LYAR: variants seen among roughly 807,000 people sequenced by gnomAD.
LYAR encodes Ly1 antibody reactive, also known as cell growth-regulating nucleolar protein.
LYAR carries 37 observed loss-of-function variants against 45.2 expected under a neutral mutation model. The ratio of observed to expected loss-of-function variants is 0.82; its 90% CI spans 0.63 to 1.08. LYAR has a LOEUF of 1.08. Ranked by LOEUF, LYAR falls within the 50% of genes least tolerant of loss-of-function variation. The probability of loss-of-function intolerance (pLI) is 0.00; values close to 1 mark genes in which losing one functional copy is unlikely to be tolerated. For synonymous variants in LYAR, 176 were observed against 155.1 expected, an observed-to-expected ratio of 1.14 and a Z score of -1.00; for missense variants, 493 against 451.0, an observed-to-expected ratio of 1.09 and a Z score of -0.84.
intron 4 of LYAR, 21 bp downstream of exon 4, chr4:4,281,762 A>C (rs765359316): frequency 1.9e-6 from 3 of 1,565,580 alleles, no homozygotes; most frequent in Non-Finnish European, 2.6e-6. Context: ...GAAGCTACTC[A>C]ATGAGTTAGA....
In LYAR at chr4:4,274,585, T is replaced by C. The variant is rs1314271488; in HGVS notation, c.614A>G (p.Glu205Gly). The change falls in exon 7 of 10, where the codon GAA becomes GGA. Residue 205 changes from glutamate (E) to glycine (G), a missense_variant. Physicochemically the swap from Glu to Gly is moderately conservative, Grantham distance 98. Coordinates refer to ENST00000343470, the MANE Select transcript of LYAR (RefSeq NM_017816.3). Reference protein sequence around the residue: ...RQKKRKREKKELKLENHQENS... With the variant: ...RQKKRKREKKGLKLENHQENS... ...TTCCTGGTGGTTTTCTAACTTTAGT[T>C]CTTTCTTTTCTCTTTTCCTTTTCTT... 2 of 1,613,636 alleles carry C rather than the reference T, an allele frequency of 1.2e-6. No individual in the cohort carries two copies. The highest frequency in any genetic ancestry group is 1.1e-5 in the South Asian group (1 of 90,934).
intron 2 of LYAR, among the ~76,000 whole-genome samples, 195 bp downstream of exon 2, chr4:4,286,309 TGGGCTTCAAAGAAAA>T (rs1719609092): frequency 6.6e-6 from 1 of 152,190 alleles, no homozygotes; most frequent in Non-Finnish European, 1.5e-5. Context: ...AACACTTGCT[TGGGCTTCAAAGAAAA>T]GCTCAAAACC....
rs1256100677 is a variant in LYAR, at chr4:4,267,887, G to A, written c.*2C>T. 1 of 1,607,760 alleles carries A rather than the reference G, an allele frequency of 6.2e-7. No homozygotes were observed. Among genetic ancestry groups the A allele is most frequent in the South Asian group, 1.1e-5 (1 of 89,892 alleles). The stretch of plus-strand genomic sequence containing the variant: ...GGATTCAATTTTTAAATACACAAAT[G>A]TTCATTTCACAAGCTTGACTTTGTC... On this transcript the variant is annotated 3_prime_UTR_variant, in exon 10 of 10. Coordinates refer to ENST00000343470, the MANE Select transcript of LYAR (RefSeq NM_017816.3).
chr4:4,270,479 T>C (rs1488617016), intron 8 of LYAR, among the ~76,000 whole-genome samples: 1 of 149,110 alleles, frequency 6.7e-6, no homozygotes, highest in Non-Finnish European at 1.5e-5. Context: ...CAAACTGTTA[T>C]GTCCCACAAA....
intron 8 of LYAR, among the ~76,000 whole-genome samples, chr4:4,272,433 G>T (rs76050646): frequency 0.016 from 2,488 of 151,862 alleles, 72 homozygotes; most frequent in African/African-American, 0.055. Flanking sequence ...TATATATACT[G>T]TCTTTCCCTA....
rs200090606 is a variant in LYAR, at chr4:4,268,027, C to T, written c.1006-4G>A. On this transcript the variant is annotated splice_polypyrimidine_tract_variant and splice_region_variant and intron_variant, in intron 9 of 9. Coordinates refer to ENST00000343470, the MANE Select transcript of LYAR (RefSeq NM_017816.3). ...CTGTGTAGTACTGAGCTAAAACCTT[C>T]ACAAAGAAAAACATCAAATGAGTGT... 1.4e-4 allele frequency: 226 copies of T among 1,568,006 alleles called. No homozygotes were observed. Among genetic ancestry groups the T allele is most frequent in the Non-Finnish European group, 1.8e-4 (206 of 1,161,072 alleles).
Position 4,283,730 on chromosome 4 carries a change from TA to T in LYAR, c.12del (p.Phe4LeufsTer10). MVF[F>X]TCNACGESVK... Reference sequence around the variant, plus strand: ...ACTGATTCACCACATGCATTGCATGTAAAAAATACCATTTTTAGGTAAATGG... The same window carrying T: ...ACTGATTCACCACATGCATTGCATGTAAAAATACCATTTTTAGGTAAATGG... On this transcript the variant is annotated frameshift_variant, in exon 3 of 10. Coordinates refer to ENST00000343470, the MANE Select transcript of LYAR (RefSeq NM_017816.3). LOFTEE classifies it high-confidence loss of function. The T allele has an allele frequency of 6.2e-7, 1 of 1,610,940 alleles. No individual in the cohort carries two copies.
intron 8 of LYAR, 148 bp downstream of exon 8, chr4:4,273,435 C>CT: frequency 1.7e-6 from 1 of 598,752 alleles, no homozygotes; most frequent in Non-Finnish European, 3.0e-6. Flanking sequence ...CTCTCTCTCG[C>CT]TTTTTGAAAG....
intron 2 of LYAR, among the ~76,000 whole-genome samples, chr4:4,285,389 A>G (rs2916437): frequency 0.4 from 60,144 of 152,060 alleles, 12,890 homozygotes; most frequent in East Asian, 0.55. Flanking sequence ...CGTTTCCCAC[A>G]ACCCAGCTCC....
chr4:4,282,383 TA>T (rs56670636), intron 3 of LYAR, among the ~76,000 whole-genome samples: 15,602 of 152,166 alleles, frequency 0.1, 2,181 homozygotes, highest in African/African-American at 0.32. Flanking sequence ...CTCTCTCATA[TA>T]ATCTTTGTAA....
intron 6 of LYAR, 136 bp downstream of exon 6, chr4:4,279,311 A>C: frequency 1.6e-6 from 1 of 629,152 alleles, no homozygotes; most frequent in Non-Finnish European, 2.8e-6. Context: ...CAGCCTGGGC[A>C]ACAGAGTAAG....
chr4:4,281,824 T>A lies in LYAR; in HGVS notation c.196A>T (p.Lys66Ter). 1 of 1,614,226 alleles carries A rather than the reference T, an allele frequency of 6.2e-7. No individual in the cohort carries two copies. The highest frequency in any genetic ancestry group is 1.7e-5 in the Admixed American group (1 of 60,028). Residue 66 changes from lysine to a stop codon, truncating the protein, a stop_gained, in exon 4 of 10, where the codon AAA becomes TAA. Transcript: ENST00000343470. LOFTEE classifies it high-confidence loss of function. ...TGTTTGATGTCGCCTTTGTGGGTTT[T>A]ACCTTCATAGCCTTTGCCACCATAC... ...QKYGGKGYEG[K>*]THKGDIKQQA...
intron 8 of LYAR, 78 bp from the exon 9 acceptor site, chr4:4,268,693 A>G: frequency 1.1e-6 from 1 of 879,532 alleles, no homozygotes; most frequent in Non-Finnish European, 1.8e-6. Context: ...CTTCTGCAAC[A>G]CCTATTTGCT....
rs188608480 is a variant in LYAR, at chr4:4,274,757, T to C, written c.442A>G (p.Lys148Glu). 165 of 1,595,736 alleles carry C rather than the reference T, an allele frequency of 1.0e-4. 2 individuals carry two copies. The East Asian group carries it at 3.6e-3, about 35-fold the overall frequency. Residue 148 changes from lysine (K) to glutamate (E), a missense_variant, in exon 7 of 10, where the codon AAG (lysine) becomes GAG (glutamate). Lys to Glu is a moderately conservative substitution (Grantham distance 56). Transcript: ENST00000343470. ...TGGAGTGGCCGTTGATCCTGTTCCTTATTGACTGGTTCCTTATCATTAAGC... is the reference window on the plus strand; with the variant it reads ...TGGAGTGGCCGTTGATCCTGTTCCTCATTGACTGGTTCCTTATCATTAAGC... ...SEASNSEPVN[K>E]EQDQRPLHPV...
At chr4:4,279,296 C>G in intron 6 of LYAR, 151 bp downstream of exon 6, 1 of 597,714 alleles carries the variant, frequency 1.7e-6, no homozygotes, top group Non-Finnish European at 3.0e-6. Context: ...CGCACCACTG[C>G]ACTGCAGCCT....
At chr4:4,283,274 C>T (rs1444276005) in intron 3 of LYAR, among the ~76,000 whole-genome samples, 3 of 152,168 alleles carry the variant, frequency 2.0e-5, no homozygotes, top group African/African-American at 7.2e-5. Flanking sequence ...CCTCAGCCTC[C>T]CGAGTAGCTG....
chr4:4,275,387 T>C (rs762153401), intron 6 of LYAR, among the ~76,000 whole-genome samples: 6 of 152,132 alleles, frequency 3.9e-5, no homozygotes, highest in Non-Finnish European at 8.8e-5. Context: ...ATTATCATCA[T>C]TATTCAGACT....
In LYAR at chr4:4,267,878, T is replaced by C. The variant is rs753057826; in HGVS notation, c.*11A>G. On this transcript the variant is annotated 3_prime_UTR_variant, in exon 10 of 10. Coordinates refer to ENST00000343470, the MANE Select transcript of LYAR (RefSeq NM_017816.3). Reference sequence around the variant, plus strand: ...CAGCAGAATGGATTCAATTTTTAAATACACAAATGTTCATTTCACAAGCTT... The same window carrying C: ...CAGCAGAATGGATTCAATTTTTAAACACACAAATGTTCATTTCACAAGCTT... The C allele has an allele frequency of 6.2e-7, 1 of 1,602,678 alleles. No individual in the cohort carries two copies. Among genetic ancestry groups the C allele is most frequent in the South Asian group, 1.1e-5 (1 of 89,118 alleles).
chr4:4,281,480 C>T (rs1719390889), intron 4 of LYAR, among the ~76,000 whole-genome samples: 3 of 123,000 alleles, frequency 2.4e-5, no homozygotes, highest in South Asian at 2.6e-4. Flanking sequence ...CCACTATGCC[C>T]GGCTAATTTT....
Sources: gnomAD v4.1 joint callset for allele counts (sites outside exome capture counted in the v4.1 genomes callset) on GRCh38, gnomAD v4.1.1 for gene constraint, MANE v1.5 for transcripts, NCBI Gene and HGNC (gene_info 2026-07-23, HGNC 2026-07-21) for gene names.